The following ZSWIM5 variants were observed in gnomAD, a reference collection of about 807,000 sequenced individuals.
The protein encoded by ZSWIM5 is zinc finger SWIM-type containing 5, also known as zinc finger SWIM domain-containing protein 5.
ZSWIM5 carries 55 observed loss-of-function variants against 119.6 expected under a neutral mutation model. The ratio of observed to expected loss-of-function variants is 0.46; its 90% confidence interval spans 0.37 to 0.58. The LOEUF (loss-of-function observed/expected upper bound fraction) is 0.58. ZSWIM5 is among the 20% of genes least tolerant of loss of function. The pLI, the probability that ZSWIM5 is intolerant of heterozygous loss-of-function variation, is 0.00. For missense variants in ZSWIM5, 1,193 were observed against 1,512.8 expected (o/e 0.79, Z 3.51); for synonymous variants, 537 against 606.9 (o/e 0.88, Z 1.69).
In ZSWIM5 at chr1:45,088,095, G is replaced by A. The variant is rs1273411581; in HGVS notation, c.738C>T (p.Ala246=). Residue 246 remains alanine, a synonymous_variant, in exon 2 of 14, where the codon GCC becomes GCT. Coordinates refer to ENST00000359600, the MANE Select transcript of ZSWIM5 (RefSeq NM_020883.2). The surrounding 1 kb of genome is among the most constrained non-coding windows in gnomAD (Gnocchi z 4.2). ...TGTAGAGTGAGAGTGCTACCACATG[G>A]GCACAGTAGAATATGTCCTTGTTCC... ...GCGNKDIFYC[A]HVVALSLYRI... is the part of the protein sequence containing the mutation. The A allele has an allele frequency of 1.2e-6, 2 of 1,614,100 alleles. No homozygotes were observed. Among genetic ancestry groups the A allele is most frequent in the Admixed American group, 3.3e-5 (2 of 59,998 alleles).
chr1:45,076,649 G>A (rs899478799), intron 2 of ZSWIM5, among the ~76,000 whole-genome samples: 1 of 152,010 alleles, frequency 6.6e-6, no homozygotes, highest in South Asian at 2.1e-4. Flanking sequence ...CTTCCTCTAG[G>A]TTTGGGAAAT....
chr1:45,179,964 G>A lies in ZSWIM5; in HGVS notation c.595+25792C>T, dbSNP rs535086959. On this transcript the variant is annotated intron_variant, in intron 1 of 13. Coordinates refer to ENST00000359600, the MANE Select transcript of ZSWIM5 (RefSeq NM_020883.2). Reference sequence around the variant, plus strand: ...GGTATAGGGAGGAGCCAAGATGGCCGAATAGGAACAGCTCTGGTCTACAGC... The same window carrying A: ...GGTATAGGGAGGAGCCAAGATGGCCAAATAGGAACAGCTCTGGTCTACAGC... Among the ~76,000 whole-genome samples, 6 of 152,126 alleles carry A rather than the reference G, an allele frequency of 3.9e-5. No homozygotes were observed. The East Asian group carries it at 1.2e-3, about 29-fold the overall frequency.
chr1:45,145,358 A>C (rs1465582896), intron 1 of ZSWIM5, among the ~76,000 whole-genome samples: 4 of 152,100 alleles, frequency 2.6e-5, no homozygotes, highest in African/African-American at 7.2e-5. Flanking sequence ...AAAAAAAAAA[A>C]AACTGGTTAT....
At chr1:45,097,375 A>G (rs1397785149) in intron 1 of ZSWIM5, among the ~76,000 whole-genome samples, 1 of 152,206 alleles carries the variant, frequency 6.6e-6, no homozygotes, top group East Asian at 1.9e-4. Flanking sequence ...TATCACCTCT[A>G]TATAAAACTA....
intron 1 of ZSWIM5, among the ~76,000 whole-genome samples, chr1:45,147,584 C>CAAA (rs11409330): frequency 2.9e-4 from 27 of 93,248 alleles, no homozygotes; most frequent in South Asian, 4.3e-4. Flanking sequence ...TTTACACATG[C>CAAA]AAAAAAAAAA....
rs116022406 is a variant in ZSWIM5, at chr1:45,179,908, G to A, written c.595+25848C>T. Reference sequence around the variant, plus strand: ...AGGCTTAAAGTCAGAGACAGGAAATGTGACAATGGAAGCAGAGGTTAAAAT... The same window carrying A: ...AGGCTTAAAGTCAGAGACAGGAAATATGACAATGGAAGCAGAGGTTAAAAT... On this transcript the variant is annotated intron_variant, in intron 1 of 13. Coordinates refer to ENST00000359600, the MANE Select transcript of ZSWIM5 (RefSeq NM_020883.2). Among the ~76,000 whole-genome samples, 385 of 152,056 alleles carry A rather than the reference G, an allele frequency of 2.5e-3. 4 individuals carry two copies. Among genetic ancestry groups the A allele is most frequent in the African/African-American group, 8.8e-3 (367 of 41,478 alleles).
intron 2 of ZSWIM5, among the ~76,000 whole-genome samples, chr1:45,066,647 G>A (rs1645185605): frequency 1.3e-5 from 2 of 152,188 alleles, no homozygotes; most frequent in African/African-American, 4.8e-5. Flanking sequence ...TCAAGGAGAG[G>A]GAATATCATG....
At chr1:45,154,528 T>C (rs1176364064) in intron 1 of ZSWIM5, among the ~76,000 whole-genome samples, 1 of 152,140 alleles carries the variant, frequency 6.6e-6, no homozygotes, top group Non-Finnish European at 1.5e-5. Context: ...GCTGGGATAA[T>C]TGACAAGCCA....
At chr1:45,082,322 A>G (rs1179516741) in intron 2 of ZSWIM5, among the ~76,000 whole-genome samples, 2 of 145,306 alleles carry the variant, frequency 1.4e-5, no homozygotes, top group African/African-American at 5.4e-5. Context: ...AGAATGATCA[A>G]TTAAAAAAAA....
chr1:45,079,235 C>T (rs778981462), intron 2 of ZSWIM5, among the ~76,000 whole-genome samples: 7 of 152,070 alleles, frequency 4.6e-5, no homozygotes, highest in Non-Finnish European at 7.4e-5. Flanking sequence ...CGGCCCCACC[C>T]CTATCTCCCT....
rs1343260256 is a variant in ZSWIM5 at position 45,105,595 on chromosome 1, C to T, written c.596-17358G>A. On this transcript the variant is annotated intron_variant, in intron 1 of 13. Coordinates refer to ENST00000359600, the MANE Select transcript of ZSWIM5 (RefSeq NM_020883.2). ...GAAGTGAGGAGTGCCTCTGCCTGGC[C>T]GCCCCCTCTGGGAAGTGAGGAGCGC... is the stretch of plus-strand genomic sequence containing the variant. Among the ~76,000 whole-genome samples the T allele has an allele frequency of 3.5e-5, 5 of 144,890 alleles. No individual in the cohort carries two copies. The East Asian group carries it at 6.4e-4, about 18-fold the overall frequency.
At chr1:45,048,082 CTTTTT>C (rs1187025417) in intron 5 of ZSWIM5, among the ~76,000 whole-genome samples, 1 of 85,246 alleles carries the variant, frequency 1.2e-5, no homozygotes, top group Admixed American at 1.4e-4. Flanking sequence ...TTTCTTTTCT[CTTTTT>C]TTTTTTTTTT....
At chr1:45,191,665 C>T (rs972197865) in intron 1 of ZSWIM5, among the ~76,000 whole-genome samples, 1 of 152,164 alleles carries the variant, frequency 6.6e-6, no homozygotes, top group Non-Finnish European at 1.5e-5. Flanking sequence ...AGAATTGAGG[C>T]TCAGAGAGGT....
chr1:45,115,853 C>T (rs1251513655), intron 1 of ZSWIM5, among the ~76,000 whole-genome samples: 1 of 152,162 alleles, frequency 6.6e-6, no homozygotes, highest in African/African-American at 2.4e-5. Context: ...GACGGGGTGG[C>T]GGCCGGGCAG....
intron 4 of ZSWIM5, among the ~76,000 whole-genome samples, chr1:45,053,960 T>C (rs2148998364): frequency 6.6e-6 from 1 of 152,208 alleles, no homozygotes; most frequent in African/African-American, 2.4e-5. Context: ...CTGTTATCAG[T>C]ATCCAGAAGC....
chr1:45,203,282 T>C (rs377360322), intron 1 of ZSWIM5, among the ~76,000 whole-genome samples: 13 of 152,198 alleles, frequency 8.5e-5, no homozygotes, highest in African/African-American at 3.1e-4. Flanking sequence ...TTACAGAATT[T>C]AATCTACCTA....
chr1:45,035,919 G>A, intron 9 of ZSWIM5, 96 bp from the exon 10 acceptor site: 2 of 1,576,890 alleles, frequency 1.3e-6, no homozygotes, highest in Non-Finnish European at 1.7e-6. Context: ...TGCTAATCAT[G>A]GGAACCTTCA....
At chr1:45,112,524 C>T (rs1156279878) in intron 1 of ZSWIM5, among the ~76,000 whole-genome samples, 1 of 152,082 alleles carries the variant, frequency 6.6e-6, no homozygotes, top group Non-Finnish European at 1.5e-5. Context: ...ACTATGTTCC[C>T]CTGAAAATCT....
At chr1:45,033,238 T>C (rs1483576187) in intron 11 of ZSWIM5, among the ~76,000 whole-genome samples, 1 of 152,232 alleles carries the variant, frequency 6.6e-6, no homozygotes, top group African/African-American at 2.4e-5. Context: ...GATTTGTATC[T>C]CCTTTTCTGT....
Sources: gnomAD v4.1 joint callset for allele counts (sites outside exome capture counted in the v4.1 genomes callset) on GRCh38, gnomAD v4.1.1 for gene constraint, Gnocchi (gnomAD v3.1) non-coding constraint, MANE v1.5 for transcripts, NCBI Gene and HGNC (gene_info 2026-07-23, HGNC 2026-07-21) for gene names.